The following ZNF215 variants were observed in gnomAD, a reference collection of about 807,000 sequenced individuals.
The protein encoded by ZNF215 is zinc finger protein 215.
ZNF215 carries 24 observed loss-of-function variants against 27.2 expected under a neutral mutation model. The ratio of observed to expected loss-of-function variants is 0.88; its 90% CI spans 0.64 to 1.24. The LOEUF is 1.24. Among genes scored for constraint, ZNF215 ranks in the 50% most tolerant of loss-of-function variants. ZNF215 has a pLI of 0.00. For synonymous variants in ZNF215, 210 were observed against 204.0 expected, an observed-to-expected ratio of 1.03 and a Z score of -0.25; for missense variants, 675 against 605.7, an observed-to-expected ratio of 1.11 and a Z score of -1.20.
chr11:6,965,125 C>G (rs746232032), intron 5 of ZNF215, among the ~76,000 whole-genome samples: 7 of 151,964 alleles, frequency 4.6e-5, no homozygotes, highest in Non-Finnish European at 8.8e-5. Flanking sequence ...TGTTGAAAGA[C>G]AAAGATGCAG....
chr11:6,971,317 C>G (rs1043637840), intron 5 of ZNF215, among the ~76,000 whole-genome samples: 1 of 152,148 alleles, frequency 6.6e-6, no homozygotes, highest in Non-Finnish European at 1.5e-5. Context: ...TTAATCATAT[C>G]TCGTTCTATG....
chr11:6,954,255 C>T (rs969524694), intron 6 of ZNF215, among the ~76,000 whole-genome samples: 1 of 152,226 alleles, frequency 6.6e-6, no homozygotes, highest in African/African-American at 2.4e-5. Context: ...AGAACCACCG[C>T]TCTCTTCAAA....
At chr11:6,943,820 A>T (rs1849720510) in intron 6 of ZNF215, among the ~76,000 whole-genome samples, 179 bp downstream of exon 6, 1 of 152,230 alleles carries the variant, frequency 6.6e-6, no homozygotes, top group Non-Finnish European at 1.5e-5. Flanking sequence ...GTGGTAAAAC[A>T]GTCACATAAG....
chr11:6,926,705 A>G lies in ZNF215; in HGVS notation c.-326+20A>G, dbSNP rs1849053701. 6.6e-6 allele frequency: 1 copy of G among 152,210 alleles called. No homozygotes were observed. The highest frequency in any genetic ancestry group is 1.5e-5 in the Non-Finnish European group (1 of 68,120). 9.4% of individuals were successfully genotyped at this position (152,210 alleles called of 1,614,324 possible). ...GCGCTTGTGAGTGACTGAACGGGCC[A>G]CTGGAGAGGAGCGGTGCTCACGGGT... is the stretch of plus-strand genomic sequence containing the variant. On this transcript the variant is annotated intron_variant, in intron 1 of 6. Coordinates refer to ENST00000278319, the MANE Select transcript of ZNF215 (RefSeq NM_013250.4).
intron 3 of ZNF215, among the ~76,000 whole-genome samples, chr11:6,936,440 A>C (rs1335270233): frequency 6.6e-6 from 1 of 152,084 alleles, no homozygotes; most frequent in Non-Finnish European, 1.5e-5. Flanking sequence ...CTGACTGAAG[A>C]AGAAATAGAA....
rs1244275303 is a variant in ZNF215 at position 6,941,487 on chromosome 11, A to ATATC, written c.401-83_401-80dup. 87 of 1,179,648 alleles carry ATATC rather than the reference A, an allele frequency of 7.4e-5. 2 individuals are homozygous for ATATC. The South Asian group carries it at 1.2e-3, about 17-fold the overall frequency. 73.1% of individuals were successfully genotyped at this position (1,179,648 alleles called of 1,614,324 possible). A position where few individuals can be genotyped will look rare whatever the true frequency, so the allele number is the denominator to read the frequency against. On this transcript the variant is annotated intron_variant, in intron 3 of 6. Transcript: ENST00000278319. Reference sequence around the variant, plus strand: ...AAAGTTCTATGGATAATTCCTGTGAATATCATATTAAAACAACTATAATTA... The same window carrying ATATC: ...AAAGTTCTATGGATAATTCCTGTGAATATCTATCATATTAAAACAACTATAATTA...
At chr11:6,959,381 T>C (rs1163806138), downstream of ZNF215, among the ~76,000 whole-genome samples, 2 of 152,182 alleles carry the variant, frequency 1.3e-5, no homozygotes, top group Admixed American at 6.6e-5. Flanking sequence ...TAAGCCACTT[T>C]AGAAGTTTGA....
intron 2 of ZNF215, among the ~76,000 whole-genome samples, chr11:6,931,615 T>C (rs189383878): frequency 1.3e-5 from 2 of 151,658 alleles, no homozygotes; most frequent in African/African-American, 4.9e-5. Context: ...TAATAGTTTA[T>C]GGATATTATT....
intron 5 of ZNF215, 117 bp from the exon 6 acceptor site, chr11:6,943,429 C>T (rs576477773): frequency 8.7e-7 from 1 of 1,153,326 alleles, no homozygotes; most frequent in Admixed American, 2.3e-5. Flanking sequence ...GCTCTTCTGG[C>T]CTTACCCTTC....
chr11:6,973,489 T>C (rs1045463206), intron 5 of ZNF215, among the ~76,000 whole-genome samples: 2 of 152,214 alleles, frequency 1.3e-5, no homozygotes, highest in African/African-American at 4.8e-5. Context: ...TCCACAATGG[T>C]TGAACTAGTT....
intron 3 of ZNF215, among the ~76,000 whole-genome samples, chr11:6,939,248 A>C (rs1012627960): frequency 2.6e-5 from 4 of 152,144 alleles, no homozygotes; most frequent in African/African-American, 9.6e-5. Context: ...TGTTGAAGCA[A>C]CCTATTAAAA....
chr11:6,944,229 TCGCACC>T (rs1849737274), intron 6 of ZNF215, among the ~76,000 whole-genome samples: 1 of 151,878 alleles, frequency 6.6e-6, no homozygotes, highest in African/African-American at 2.4e-5. Flanking sequence ...TGAGCCAAGA[TCGCACC>T]ACTGCACTCC....
At chr11:6,969,068 A>G (rs1172098480) in intron 5 of ZNF215, among the ~76,000 whole-genome samples, 1 of 152,100 alleles carries the variant, frequency 6.6e-6, no homozygotes, top group African/African-American at 2.4e-5. Context: ...GATTCTTCCT[A>G]ATAAACTGGG....
intron 6 of ZNF215, among the ~76,000 whole-genome samples, chr11:6,949,190 A>G (rs533557273): frequency 6.6e-6 from 1 of 152,024 alleles, no homozygotes; most frequent in East Asian, 1.9e-4. Flanking sequence ...GCTATTGTGA[A>G]TAGTGCCTCA....
At chr11:6,954,583 C>A (rs949660786) in intron 6 of ZNF215, among the ~76,000 whole-genome samples, 2 of 152,190 alleles carry the variant, frequency 1.3e-5, no homozygotes, top group African/African-American at 4.8e-5. Context: ...TTAAGCCTGT[C>A]GGGAAAGCGC....
downstream of ZNF215, among the ~76,000 whole-genome samples, chr11:6,990,818 T>C (rs1382622710): frequency 6.6e-6 from 1 of 152,036 alleles, no homozygotes; most frequent in Non-Finnish European, 1.5e-5. Context: ...GAGAATATAT[T>C]TGTCCCTACC....
In ZNF215 at chr11:6,936,469, C is replaced by T. The variant is rs760079366; in HGVS notation, c.400+3797C>T. Among the ~76,000 whole-genome samples the T allele has an allele frequency of 1.0e-3, 156 of 151,936 alleles. 1 individual carries two copies. The highest frequency in any genetic ancestry group is 1.8e-3 in the Non-Finnish European group (121 of 67,872). On this transcript the variant is annotated intron_variant, in intron 3 of 6. Transcript: ENST00000278319. ...AATAGAAAATCTGAACTCAACTCAG[C>T]AATAACAAAAGACTGGTTTAGTTAT...
At chr11:6,958,612 G>GTA (rs1425862909), downstream of ZNF215, among the ~76,000 whole-genome samples, 1 of 152,192 alleles carries the variant, frequency 6.6e-6, no homozygotes, top group Non-Finnish European at 1.5e-5. Context: ...TAGGATAAAT[G>GTA]TATATATAAA....
chr11:6,973,827 T>C (rs1850772949), intron 5 of ZNF215, among the ~76,000 whole-genome samples: 1 of 152,142 alleles, frequency 6.6e-6, no homozygotes, highest in South Asian at 2.1e-4. Flanking sequence ...CAAAAACTTT[T>C]TCCCATTCTG....
Sources: gnomAD v4.1 joint callset for allele counts (sites outside exome capture counted in the v4.1 genomes callset) on GRCh38, gnomAD v4.1.1 for gene constraint, MANE v1.5 for transcripts, NCBI Gene and HGNC (gene_info 2026-07-23, HGNC 2026-07-21) for gene names.